Variants in MGST1 observed in about 807,000 individuals in gnomAD.
MGST1 encodes the protein glutathione S-transferase 12.
A neutral mutation model predicts 8.9 loss-of-function variants in MGST1; 5 were observed. The observed-to-expected ratio is 0.56, with a 90% CI of 0.29 to 1.19. The LOEUF is 1.19. Ranked by LOEUF, MGST1 falls within the 50% of genes most tolerant of loss-of-function variation. The pLI is 0.08. For missense variants in MGST1, 182 were observed against 187.4 expected (o/e 0.97, Z 0.17); for synonymous variants, 54 against 67.8 (o/e 0.80, Z 1.00).
chr12:16,399,652 G>C (rs768802138), intron 1 of MGST1: 91 of 1,591,372 alleles, frequency 5.7e-5, no homozygotes, highest in Admixed American at 4.0e-4. Context: ...TCATCGTCAG[G>C]CTCCAGAAAA....
At chr12:16,423,027 C>T (rs1940851871) in intron 1 of MGST1, among the ~76,000 whole-genome samples, 1 of 152,188 alleles carries the variant, frequency 6.6e-6, no homozygotes. Context: ...TTCTTTTCCC[C>T]TGACTCTGTT....
At chr12:16,535,275 C>G (rs1013256950) in intron 4 of MGST1, among the ~76,000 whole-genome samples, 1 of 152,134 alleles carries the variant, frequency 6.6e-6, no homozygotes, top group Non-Finnish European at 1.5e-5. Context: ...AAAGGGTGGT[C>G]ATCAATGAAC....
downstream of MGST1, among the ~76,000 whole-genome samples, chr12:16,440,350 A>G (rs1347147183): frequency 2.6e-5 from 4 of 151,804 alleles, no homozygotes; most frequent in Non-Finnish European, 5.9e-5. Context: ...CAGCCACTCA[A>G]TAATTCCAAC....
chr12:16,509,523 C>G (rs570428382), intron 4 of MGST1, among the ~76,000 whole-genome samples: 41 of 152,264 alleles, frequency 2.7e-4, no homozygotes, highest in African/African-American at 9.9e-4. Context: ...CTAAAGAGCT[C>G]CTTTAGGTAT....
At chr12:16,590,585 T>G (rs1374850823), downstream of MGST1, among the ~76,000 whole-genome samples, 3 of 151,574 alleles carry the variant, frequency 2.0e-5, no homozygotes, top group African/African-American at 7.3e-5. Context: ...ATCTTTGCAA[T>G]TTGTATTACC....
chr12:16,406,499 A>T (rs1008435387), intron 1 of MGST1, among the ~76,000 whole-genome samples: 2 of 152,230 alleles, frequency 1.3e-5, no homozygotes, highest in African/African-American at 4.8e-5. Flanking sequence ...AAAGCAATTT[A>T]TAGATTCAAT....
chr12:16,544,362 GCATACAAAAGAGTTGT>G lies in MGST1; in HGVS notation n.483-45153_483-45138del, dbSNP rs1319486353. On this transcript the variant is annotated intron_variant and non_coding_transcript_variant, in intron 4 of 4. Transcript: ENST00000538857. The surrounding 1 kb of genome is among the most constrained non-coding windows in gnomAD (Gnocchi z 4.8). ...CAAAAGGGGAAGAGTTAATGTTAATGCATACAAAAGAGTTGTCATACAAAAGAGAAAAAGCCAAATA... is the reference window on the plus strand; with the variant it reads ...CAAAAGGGGAAGAGTTAATGTTAATGCATACAAAAGAGAAAAAGCCAAATA... Among the ~76,000 whole-genome samples the G allele has an allele frequency of 6.6e-6, 1 of 151,762 alleles. No homozygotes were observed. The highest frequency in any genetic ancestry group is 1.5e-5 in the Non-Finnish European group (1 of 67,922).
chr12:16,411,014 C>T (rs1259530155), intron 1 of MGST1, among the ~76,000 whole-genome samples: 1 of 152,138 alleles, frequency 6.6e-6, no homozygotes, highest in African/African-American at 2.4e-5. Flanking sequence ...ATGCTTCCTG[C>T]TCCACTCCCA....
intron 4 of MGST1, among the ~76,000 whole-genome samples, chr12:16,488,516 G>A (rs1941415107): frequency 6.6e-6 from 1 of 152,138 alleles, no homozygotes; most frequent in South Asian, 2.1e-4. Context: ...GTTTTCAAAT[G>A]TCAGATCAAA....
intron 4 of MGST1, among the ~76,000 whole-genome samples, chr12:16,454,192 C>G (rs1402022816): frequency 1.3e-5 from 2 of 151,848 alleles, no homozygotes; most frequent in African/African-American, 4.8e-5. Flanking sequence ...TTCCCACCAC[C>G]TAGGTTTCAA....
intron 4 of MGST1, among the ~76,000 whole-genome samples, chr12:16,516,648 A>AT (rs925477296): frequency 2.1e-4 from 32 of 152,340 alleles, no homozygotes; most frequent in African/African-American, 6.3e-4. Context: ...TATCTAGAAT[A>AT]TGAAGAAGGC....
At chr12:16,375,741 G>T (rs938201225) in intron 3 of MGST1, among the ~76,000 whole-genome samples, 2 of 151,936 alleles carry the variant, frequency 1.3e-5, no homozygotes, top group Admixed American at 6.6e-5. Context: ...TTTAACTGAT[G>T]ATGTGTTTTA....
intron 4 of MGST1, among the ~76,000 whole-genome samples, chr12:16,542,615 T>G (rs1265261274): frequency 1.3e-5 from 2 of 152,214 alleles, no homozygotes; most frequent in Non-Finnish European, 2.9e-5. Flanking sequence ...AAATTTCCTC[T>G]TCTCCATTGC....
chr12:16,364,349 T>C lies in MGST1; in HGVS notation c.*308T>C, dbSNP rs1375312238. On this transcript the variant is annotated 3_prime_UTR_variant, in exon 4 of 4. Transcript: ENST00000396210. The surrounding 1 kb of genome is among the most constrained non-coding windows in gnomAD (Gnocchi z 5.7). ...TTTGAATCTATAAAAGAATTGCACG[T>C]ATGAGAAACCTATATTTCAATACTG... The C allele has an allele frequency of 1.9e-6, 2 of 1,025,998 alleles. No individual in the cohort carries two copies. Among genetic ancestry groups the C allele is most frequent in the Non-Finnish European group, 2.3e-6 (2 of 855,526 alleles). The allele number at this position is 1,025,998 out of a possible 1,614,324, so 63.6% of individuals were successfully genotyped here.
At chr12:16,387,643 C>G (rs1260631252) in intron 1 of MGST1, among the ~76,000 whole-genome samples, 1 of 151,936 alleles carries the variant, frequency 6.6e-6, no homozygotes, top group Non-Finnish European at 1.5e-5. Flanking sequence ...TCTCCTGCCT[C>G]AGCCTCCCGA....
chr12:16,542,886 TA>T (rs958283978), intron 4 of MGST1, among the ~76,000 whole-genome samples: 29 of 152,314 alleles, frequency 1.9e-4, no homozygotes, highest in South Asian at 6.2e-4. Context: ...AAACTTAGAT[TA>T]GGGGTGGTCT....
At position 16,537,429 on chromosome 12, in the gene MGST1, G is replaced by A. The variant is rs186258048; in HGVS notation, n.483-52099G>A. On this transcript the variant is annotated intron_variant and non_coding_transcript_variant, in intron 4 of 4. Coordinates refer to the MGST1 transcript ENST00000538857. This position sits in a 1 kb window ranked among gnomAD's most constrained non-coding sequence, Gnocchi z 4.6. ...TGTGGGATCTACCATTCTGGGATCT[G>A]GAGCATGGTGGCCCTCTTCTCACAG... Among the ~76,000 whole-genome samples the A allele has an allele frequency of 6.8e-4, 103 of 152,270 alleles. No homozygotes were observed. The highest frequency in any genetic ancestry group is 2.4e-3 in the African/African-American group (99 of 41,564).
At chr12:16,382,556 G>T (rs1280744640), upstream of MGST1, among the ~76,000 whole-genome samples, 1 of 152,148 alleles carries the variant, frequency 6.6e-6, no homozygotes, top group African/African-American at 2.4e-5. Context: ...CTACTGGGGG[G>T]GTGCCTCCCA....
Position 16,517,393 on chromosome 12 carries a change from C to T in MGST1, n.483-72135C>T, listed in dbSNP as rs144214879. On this transcript the variant is annotated intron_variant and non_coding_transcript_variant, in intron 4 of 4. Coordinates refer to the MGST1 transcript ENST00000538857. The surrounding 1 kb of genome is among the most constrained non-coding windows in gnomAD (Gnocchi z 4.2). The stretch of plus-strand genomic sequence containing the variant: ...GAATTTGTTATAAAAGTAAGTTTGG[C>T]TTCCTCTTGTTCTTTCTTTTGCCTT... Among the ~76,000 whole-genome samples, 3 of 152,168 alleles carry T rather than the reference C, an allele frequency of 2.0e-5. No homozygotes were observed. In the East Asian group the frequency reaches 5.8e-4, roughly 29 times the overall value.
Sources: gnomAD v4.1 joint callset for allele counts (sites outside exome capture counted in the v4.1 genomes callset) on GRCh38, gnomAD v4.1.1 for gene constraint, Gnocchi (gnomAD v3.1) non-coding constraint, MANE v1.5 for transcripts, NCBI Gene and HGNC (gene_info 2026-07-23, HGNC 2026-07-21) for gene names.